ERBB4: variants seen among roughly 807,000 people sequenced by gnomAD.
The protein encoded by ERBB4 is receptor tyrosine-protein kinase erbB-4.
ERBB4 carries 42 observed loss-of-function variants against 158.0 expected under a neutral mutation model. The observed-to-expected ratio is 0.27, with a 90% CI of 0.21 to 0.34. ERBB4 has a LOEUF of 0.34. Ranked by LOEUF, ERBB4 falls within the 10% of genes least tolerant of loss-of-function variation. The pLI, the probability that ERBB4 is intolerant of heterozygous loss-of-function variation, is 1.00. For synonymous variants in ERBB4, 583 were observed against 558.7 expected, an observed-to-expected ratio of 1.04 and a Z score of -0.61; for missense variants, 1,333 against 1,624.1, an observed-to-expected ratio of 0.82 and a Z score of 3.08.
At position 211,498,959 on chromosome 2, in the gene ERBB4, T is replaced by C. The variant is rs570347215; in HGVS notation, c.2487+62944A>G. Among the ~76,000 whole-genome samples the C allele has an allele frequency of 2.0e-5, 3 of 152,172 alleles. No homozygotes were observed. The South Asian group carries it at 6.2e-4, about 32-fold the overall frequency. Reference sequence around the variant, plus strand: ...GACACAGATGAGGAACAGAAGGGAATTGCCCAACAATGGGTTATAATGAGG... The same window carrying C: ...GACACAGATGAGGAACAGAAGGGAACTGCCCAACAATGGGTTATAATGAGG... On this transcript the variant is annotated intron_variant, in intron 20 of 27. Coordinates refer to ENST00000342788, the MANE Select transcript of ERBB4 (RefSeq NM_005235.3).
intron 2 of ERBB4, among the ~76,000 whole-genome samples, chr2:211,957,864 C>G (rs1248464992): frequency 6.6e-6 from 1 of 152,086 alleles, no homozygotes; most frequent in Non-Finnish European, 1.5e-5. Context: ...AGTTTCATGT[C>G]TGAGGTCTTT....
chr2:212,124,771 C>G lies in ERBB4; in HGVS notation c.215G>C (p.Arg72Pro), dbSNP rs762478821. 2.8e-5 allele frequency: 45 copies of G among 1,614,032 alleles called. 1 individual carries two copies. The Admixed American group carries it at 7.3e-4, about 26-fold the overall frequency. The change falls in exon 2 of 28, where the codon CGG (arginine) becomes CCG (proline). Residue 72 changes from arginine (R) to proline (P), a missense_variant. Transcript: ENST00000342788. ...NLEITSIEHN[R>P]DLSFLRSVRE... ...CTTTACCCGCAGGAAGGAGAGGTCC[C>G]GGTTGTGCTCAATGCTGGTTATCTC...
At chr2:212,361,659 C>T (rs948555191) in intron 1 of ERBB4, among the ~76,000 whole-genome samples, 2 of 151,612 alleles carry the variant, frequency 1.3e-5, no homozygotes, top group Non-Finnish European at 3.0e-5. Flanking sequence ...ATAGTTAGGG[C>T]AAGGGGCTTG....
At chr2:211,963,196 T>C (rs1439773855) in intron 2 of ERBB4, among the ~76,000 whole-genome samples, 1 of 152,074 alleles carries the variant, frequency 6.6e-6, no homozygotes, top group Non-Finnish European at 1.5e-5. Context: ...GTGGTTGTCA[T>C]CTTTGGTGAG....
At chr2:211,742,684 C>G (rs1219649991) in intron 5 of ERBB4, among the ~76,000 whole-genome samples, 1 of 151,586 alleles carries the variant, frequency 6.6e-6, no homozygotes, top group Non-Finnish European at 1.5e-5. Flanking sequence ...TAATAAATTA[C>G]TGAGGAAAAT....
chr2:211,813,550 T>A (rs1403532074), intron 3 of ERBB4, among the ~76,000 whole-genome samples: 1 of 152,218 alleles, frequency 6.6e-6, no homozygotes, highest in African/African-American at 2.4e-5. Context: ...ACATTTTCTA[T>A]CCCGTTTATC....
chr2:211,501,620 T>G (rs2065619813), intron 20 of ERBB4, among the ~76,000 whole-genome samples: 1 of 152,046 alleles, frequency 6.6e-6, no homozygotes, highest in Non-Finnish European at 1.5e-5. Context: ...ATATGGATGC[T>G]TAAGTACATA....
rs541168247 is a variant in ERBB4, at chr2:211,648,213, C to T, written c.1946+9541G>A. 9.2e-5 allele frequency among the ~76,000 whole-genome samples: 14 copies of T among 151,612 alleles called. No homozygotes were observed. In the South Asian group the frequency reaches 1.2e-3, roughly 13 times the overall value. Reference sequence around the variant, plus strand: ...AAATTTGTTCCATTTTCTTTTGAGTCTTCTCCATCTCAGTTTATGACATCA... The same window carrying T: ...AAATTTGTTCCATTTTCTTTTGAGTTTTCTCCATCTCAGTTTATGACATCA... On this transcript the variant is annotated intron_variant, in intron 16 of 27. Coordinates refer to ENST00000342788, the MANE Select transcript of ERBB4 (RefSeq NM_005235.3).
intron 7 of ERBB4, 65 bp downstream of exon 7, chr2:211,722,328 C>T (rs2106121748): frequency 7.7e-7 from 1 of 1,306,302 alleles, no homozygotes; most frequent in Non-Finnish European, 1.1e-6. Flanking sequence ...AATAAACTTA[C>T]ATAAAATTCT....
At chr2:211,657,509 C>CA (rs777875937) in intron 16 of ERBB4, 18,555 of 360,678 alleles carry the variant, frequency 0.051, 2 homozygotes, top group East Asian at 0.066. Flanking sequence ...ACTCGGTCTC[C>CA]AAAAAAAAAA....
intron 1 of ERBB4, among the ~76,000 whole-genome samples, chr2:212,133,328 C>G (rs13387399): frequency 1.3e-5 from 2 of 151,454 alleles, no homozygotes; most frequent in East Asian, 1.9e-4. Context: ...ACAGCCTTTT[C>G]TGACCACCTT....
intron 1 of ERBB4, among the ~76,000 whole-genome samples, chr2:212,185,867 T>C (rs574302850): frequency 6.6e-6 from 1 of 152,270 alleles, no homozygotes; most frequent in East Asian, 1.9e-4. Context: ...ATAAAGTACA[T>C]ATTTCAATAT....
intron 1 of ERBB4, among the ~76,000 whole-genome samples, chr2:212,508,254 T>C (rs781333255): frequency 2.8e-4 from 43 of 152,246 alleles, no homozygotes; most frequent in Non-Finnish European, 4.8e-4. Flanking sequence ...TGACTTGCTT[T>C]ATTGTGATAC....
chr2:212,147,131 C>G (rs1272387099), intron 1 of ERBB4, among the ~76,000 whole-genome samples: 2 of 136,594 alleles, frequency 1.5e-5, no homozygotes, highest in Non-Finnish European at 3.1e-5. Flanking sequence ...GTGGGGTCTA[C>G]AGGGGCATGC....
At chr2:212,508,234 A>G (rs1030799801) in intron 1 of ERBB4, among the ~76,000 whole-genome samples, 1 of 151,810 alleles carries the variant, frequency 6.6e-6, no homozygotes, top group African/African-American at 2.4e-5. Context: ...ATGTGTGGGG[A>G]AAAAATTGTT....
chr2:211,583,976 C>T (rs2068185674), intron 19 of ERBB4, among the ~76,000 whole-genome samples: 2 of 149,028 alleles, frequency 1.3e-5, no homozygotes, highest in Non-Finnish European at 3.0e-5. Context: ...CTATGCATTT[C>T]TTTGAAAAGA....
At chr2:212,391,707 TA>T (rs2106438791) in intron 1 of ERBB4, among the ~76,000 whole-genome samples, 1 of 87,798 alleles carries the variant, frequency 1.1e-5, no homozygotes, top group African/African-American at 5.0e-5. Context: ...ATATATTATA[TA>T]TATTGACATA....
chr2:211,771,954 C>A (rs551411728), intron 4 of ERBB4, among the ~76,000 whole-genome samples: 1 of 152,254 alleles, frequency 6.6e-6, no homozygotes, highest in Admixed American at 6.5e-5. Context: ...GAGAGCTTTT[C>A]ATTAAATAAC....
chr2:211,939,152 C>G (rs1430126765), intron 3 of ERBB4, among the ~76,000 whole-genome samples: 3 of 152,090 alleles, frequency 2.0e-5, no homozygotes, highest in African/African-American at 7.2e-5. Context: ...ACCTATTGCT[C>G]AAGTTTGGAT....
Sources: allele counts gnomAD v4.1 joint callset (sites outside exome capture counted in the v4.1 genomes callset), GRCh38; gene constraint gnomAD v4.1.1; transcripts MANE v1.5; gene names NCBI Gene and HGNC (gene_info 2026-07-23, HGNC 2026-07-21).